COL9A1: variants seen among roughly 807,000 people sequenced by gnomAD.
COL9A1 encodes the protein collagen type IX alpha 1 chain.
In COL9A1, 104 loss-of-function variants were observed where a neutral mutation model predicts 142.6. The observed-to-expected ratio is 0.73, with a 90% CI of 0.62 to 0.86. COL9A1 has a LOEUF of 0.86. Ranked by LOEUF, COL9A1 falls within the 40% of genes least tolerant of loss-of-function variation. The pLI, the probability that COL9A1 is intolerant of heterozygous loss-of-function variation, is 0.00. For missense variants in COL9A1, 1,210 were observed against 1,176.6 expected (o/e 1.03, Z -0.42); for synonymous variants, 466 against 396.0 (o/e 1.18, Z -2.10).
intron 4 of COL9A1, among the ~76,000 whole-genome samples, chr6:70,297,413 C>A: frequency 6.6e-6 from 1 of 151,832 alleles, no homozygotes; most frequent in East Asian, 1.9e-4. Flanking sequence ...GTATAGTAGT[C>A]AATATGGTAA....
intron 4 of COL9A1, among the ~76,000 whole-genome samples, chr6:70,296,902 TA>T (rs1239635278): frequency 1.3e-5 from 2 of 152,156 alleles, no homozygotes; most frequent in Admixed American, 6.5e-5. Flanking sequence ...GATAAAAATC[TA>T]ATGCTGCTTC....
intron 37 of COL9A1, among the ~76,000 whole-genome samples, chr6:70,219,550 C>T (rs1768739937): frequency 6.6e-6 from 1 of 152,148 alleles, no homozygotes; most frequent in Admixed American, 6.5e-5. Flanking sequence ...AAGAAATTCC[C>T]CCACTGTTTT....
At chr6:70,225,833 G>T in intron 37 of COL9A1, 99 bp downstream of exon 37, 1 of 894,972 alleles carries the variant, frequency 1.1e-6, no homozygotes, top group Non-Finnish European at 1.9e-6. Flanking sequence ...ATATGCTTAA[G>T]TGATCAAATA....
At chr6:70,266,122 C>A (rs1466847993) in intron 18 of COL9A1, among the ~76,000 whole-genome samples, 1 of 152,154 alleles carries the variant, frequency 6.6e-6, no homozygotes, top group Non-Finnish European at 1.5e-5. Flanking sequence ...TAAATCCCAG[C>A]CTTAGTTTTT....
chr6:70,235,446 C>A (rs1214008923), intron 33 of COL9A1, among the ~76,000 whole-genome samples: 1 of 151,904 alleles, frequency 6.6e-6, no homozygotes, highest in Admixed American at 6.6e-5. Flanking sequence ...TAGTAAGACT[C>A]CGTCTCAAAA....
chr6:70,254,593 C>G, intron 24 of COL9A1, 64 bp from the exon 25 acceptor site: 2 of 1,452,856 alleles, frequency 1.4e-6, no homozygotes, highest in East Asian at 2.3e-5. Context: ...TTTTAAGAAA[C>G]GGAGGAGCAC....
At chr6:70,291,569 C>A (rs1189396682) in intron 5 of COL9A1, among the ~76,000 whole-genome samples, 1 of 152,134 alleles carries the variant, frequency 6.6e-6, no homozygotes, top group East Asian at 1.9e-4. Context: ...TGATTTATTT[C>A]TCTTTGTATG....
intron 4 of COL9A1, among the ~76,000 whole-genome samples, chr6:70,299,720 TG>T (rs748465249): frequency 2.0e-5 from 3 of 152,200 alleles, no homozygotes; most frequent in Non-Finnish European, 4.4e-5. Flanking sequence ...GCTTACCCTC[TG>T]GCACTTTTCA....
intron 25 of COL9A1, 133 bp downstream of exon 25, chr6:70,254,343 T>C (rs1189300106): frequency 1.4e-6 from 1 of 733,090 alleles, no homozygotes; most frequent in Non-Finnish European, 2.2e-6. Context: ...CAAATGTAAA[T>C]TGTAAAAATG....
rs967491605 is a variant in COL9A1 at position 70,302,703 on chromosome 6, C to T, written c.14+208G>A. Among the ~76,000 whole-genome samples, 3 of 152,022 alleles carry T rather than the reference C, an allele frequency of 2.0e-5. No homozygotes were observed. The East Asian group carries it at 5.8e-4, about 29-fold the overall frequency. On this transcript the variant is annotated intron_variant, in intron 1 of 37. Transcript: ENST00000357250. The stretch of plus-strand genomic sequence containing the variant: ...TTTCTGTGGCCGTCACTTTCTCTCC[C>T]TTCCTCTGTCTGTCTTCGGTTTTTT...
Position 70,302,992 on chromosome 6 carries a change from C to A in COL9A1, c.-68G>T. 1 of 1,465,492 alleles carries A rather than the reference C, an allele frequency of 6.8e-7. No homozygotes were observed. The highest frequency in any genetic ancestry group is 1.4e-5 in the African/African-American group (1 of 71,856). The allele number at this position is 1,465,492 out of a possible 1,614,324, so 90.8% of individuals were successfully genotyped here. A position where few individuals can be genotyped will look rare whatever the true frequency, so the allele number is the denominator to read the frequency against. The stretch of plus-strand genomic sequence containing the variant: ...GAAGGGGTTGGAAGGGAGTCACTGT[C>A]CCCTCACGACCCCTTCACTGTTACC... On this transcript the variant is annotated 5_prime_UTR_variant, in exon 1 of 38. Transcript: ENST00000357250.
chr6:70,253,391 A>C lies in COL9A1; in HGVS notation c.1758T>G (p.Gly586=), dbSNP rs1277449796. The C allele has an allele frequency of 6.2e-7, 1 of 1,600,078 alleles. No homozygotes were observed. Among genetic ancestry groups the C allele is most frequent in the South Asian group, 1.1e-5 (1 of 89,568 alleles). The change falls in exon 26 of 38, where the codon GGT becomes GGG. Residue 586 remains glycine, a synonymous_variant. Transcript: ENST00000357250. ...AAATTTTAAAATATTTTACCTTTTC[A>C]CCAGCAACACCCTTTGCACCAGGAA... ...PGIPGAKGVA[G]EKGSTGAPGK... is the part of the protein sequence containing the mutation.
At chr6:70,274,179 T>G in intron 11 of COL9A1, 97 bp from the exon 12 acceptor site, 3 of 945,640 alleles carry the variant, frequency 3.2e-6, no homozygotes, top group East Asian at 2.8e-5. Flanking sequence ...AACACCCCAT[T>G]ATGGTGTTTT....
At chr6:70,261,726 C>G (rs1035506646) in intron 19 of COL9A1, among the ~76,000 whole-genome samples, 34 of 152,340 alleles carry the variant, frequency 2.2e-4, no homozygotes, top group Non-Finnish European at 1.9e-4. Flanking sequence ...CAGATGAAAG[C>G]TGCTCTTTCT....
At chr6:70,301,631 C>G (rs1405257658) in intron 2 of COL9A1, among the ~76,000 whole-genome samples, 1 of 152,054 alleles carries the variant, frequency 6.6e-6, no homozygotes, top group Non-Finnish European at 1.5e-5. Flanking sequence ...AATGGTACAT[C>G]AAACATGCTC....
intron 4 of COL9A1, among the ~76,000 whole-genome samples, chr6:70,296,350 T>G (rs935739458): frequency 6.6e-6 from 1 of 152,152 alleles, no homozygotes; most frequent in South Asian, 2.1e-4. Flanking sequence ...TTAATCTTAC[T>G]GCAAAGTTTT....
At chr6:70,276,671 T>C (rs951060954) in intron 10 of COL9A1, among the ~76,000 whole-genome samples, 1 of 152,202 alleles carries the variant, frequency 6.6e-6, no homozygotes, top group African/African-American at 2.4e-5. Context: ...ACAAGAGTCA[T>C]ATGTCCATTA....
chr6:70,226,103 CA>C, intron 36 of COL9A1, 94 bp from the exon 37 acceptor site: 3 of 1,124,538 alleles, frequency 2.7e-6, no homozygotes, highest in South Asian at 1.3e-5. Flanking sequence ...ATTCAGAAAC[CA>C]AAAGGTCATG....
At chr6:70,247,154 G>GA (rs1365902610) in intron 28 of COL9A1, among the ~76,000 whole-genome samples, 1 of 152,024 alleles carries the variant, frequency 6.6e-6, no homozygotes, top group Non-Finnish European at 1.5e-5. Context: ...GTTGTGCTTG[G>GA]AAAAAAATAA....
Sources: gnomAD v4.1 joint callset for allele counts (sites outside exome capture counted in the v4.1 genomes callset) on GRCh38, gnomAD v4.1.1 for gene constraint, MANE v1.5 for transcripts, NCBI Gene and HGNC (gene_info 2026-07-23, HGNC 2026-07-21) for gene names.